UNC13A: variants seen among roughly 807,000 people sequenced by gnomAD.
UNC13A encodes unc-13 homolog A.
A neutral mutation model predicts 219.7 loss-of-function variants in UNC13A; 61 were observed. The ratio of observed to expected loss-of-function variants is 0.28; its 90% CI spans 0.23 to 0.34. The LOEUF (loss-of-function observed/expected upper bound fraction) is 0.34, where lower values mean the gene tolerates loss of function less well. UNC13A is among the 10% of genes least tolerant of loss of function. UNC13A has a pLI of 1.00. For missense variants in UNC13A, 1,476 were observed against 2,270.3 expected, an observed-to-expected ratio of 0.65 and a Z score of 7.11; for synonymous variants, 920 against 884.6, an observed-to-expected ratio of 1.04 and a Z score of -0.71.
chr19:17,650,693 G>T (rs947642894), intron 12 of UNC13A, among the ~76,000 whole-genome samples: 1 of 151,750 alleles, frequency 6.6e-6, no homozygotes, highest in East Asian at 2.0e-4. Context: ...GGCCAGGCTG[G>T]TCTCGAACTC....
Position 17,674,614 on chromosome 19 carries a change from G to A in UNC13A, c.152+43C>T. ...CCCTGAGGGGCCAGCGAGGTGCTGG[G>A]CTATGCCAGGGAGTGAGGTCATGCC... is the stretch of plus-strand genomic sequence containing the variant. On this transcript the variant is annotated intron_variant, in intron 3 of 43. Coordinates refer to ENST00000519716, the MANE Select transcript of UNC13A (RefSeq NM_001080421.3). This position sits in a 1 kb window ranked among gnomAD's most constrained non-coding sequence, Gnocchi z 5.0. 6.3e-7 allele frequency: 1 copy of A among 1,577,670 alleles called. No homozygotes were observed. Among genetic ancestry groups the A allele is most frequent in the African/African-American group, 1.3e-5 (1 of 74,352 alleles).
intron 7 of UNC13A, among the ~76,000 whole-genome samples, chr19:17,665,037 T>A (rs560228712): frequency 5.9e-5 from 9 of 152,142 alleles, no homozygotes; most frequent in African/African-American, 1.4e-4. Context: ...CCATCTCTAC[T>A]AAAAATACAA....
chr19:17,652,733 C>A, intron 11 of UNC13A, 56 bp from the exon 12 acceptor site: 1 of 1,603,072 alleles, frequency 6.2e-7, no homozygotes, highest in Non-Finnish European at 8.5e-7. Flanking sequence ...CTCCCCAGAG[C>A]AGGCTCCACA....
At chr19:17,672,829 A>G (rs2079816103) in intron 3 of UNC13A, among the ~76,000 whole-genome samples, 1 of 152,148 alleles carries the variant, frequency 6.6e-6, no homozygotes, top group South Asian at 2.1e-4. Flanking sequence ...TAAGTGAGGA[A>G]GAGGCTCAAA....
In UNC13A at chr19:17,688,304, C is replaced by T; in HGVS notation, c.-105G>A. ...TCTCCCGGCTGCAGCCCGCGCTTGG[C>T]TCACGCCGGGGCCCGGCCGCCACCG... On this transcript the variant is annotated 5_prime_UTR_variant, in exon 1 of 44. Transcript: ENST00000519716. 1 of 1,341,406 alleles carries T rather than the reference C, an allele frequency of 7.5e-7. No individual in the cohort carries two copies. 83.1% of individuals were successfully genotyped at this position (1,341,406 alleles called of 1,614,324 possible).
rs979048200 is a variant in UNC13A, at chr19:17,627,995, C to G, written c.3754-55G>C. On this transcript the variant is annotated intron_variant, in intron 31 of 43. Coordinates refer to ENST00000519716, the MANE Select transcript of UNC13A (RefSeq NM_001080421.3). The surrounding 1 kb of genome is among the most constrained non-coding windows in gnomAD (Gnocchi z 4.7). ...GCCTCAGGACCTCTCCCCAGAGCCT[C>G]CCCTACCCACCGCCAGGGACCTTGG... 1 of 1,509,944 alleles carries G rather than the reference C, an allele frequency of 6.6e-7. No homozygotes were observed. The highest frequency in any genetic ancestry group is 9.0e-7 in the Non-Finnish European group (1 of 1,105,978). 93.5% of individuals were successfully genotyped at this position (1,509,944 alleles called of 1,614,324 possible).
chr19:17,624,740 C>G, intron 35 of UNC13A, 89 bp downstream of exon 35: 1 of 1,495,934 alleles, frequency 6.7e-7, no homozygotes, highest in Non-Finnish European at 8.9e-7. Flanking sequence ...TGCCTTTGTT[C>G]TTACCCCCCA....
chr19:17,625,742 A>C (rs954420789), intron 34 of UNC13A, among the ~76,000 whole-genome samples: 3 of 149,050 alleles, frequency 2.0e-5, no homozygotes, highest in African/African-American at 7.4e-5. Flanking sequence ...CCATCTGTCC[A>C]ACCATTTATG....
Position 17,658,303 on chromosome 19 carries a change from G to A in UNC13A, c.560-34C>T, listed in dbSNP as rs60683939. 4,307 of 1,581,544 alleles carry A rather than the reference G, an allele frequency of 2.7e-3. 90 individuals carry two copies. In the African/African-American group the frequency reaches 0.05, roughly 18 times the overall value. ...GAGAGGCGGTATGGGAAGAGGGTGA[G>A]GAAGAGAGAGTGCACATGATGGGAG... On this transcript the variant is annotated intron_variant, in intron 8 of 43. Coordinates refer to ENST00000519716, the MANE Select transcript of UNC13A (RefSeq NM_001080421.3).
intron 35 of UNC13A, 63 bp from the exon 36 acceptor site, chr19:17,623,610 G>A (rs971940501): frequency 5.6e-6 from 5 of 885,502 alleles, no homozygotes; most frequent in East Asian, 3.2e-5. Context: ...TGAGTCTCCC[G>A]GGAAGGCCAG....
At chr19:17,621,784 G>T in intron 37 of UNC13A, 48 bp downstream of exon 37, 1 of 1,605,228 alleles carries the variant, frequency 6.2e-7, no homozygotes, top group South Asian at 1.1e-5. Context: ...GCACACACAT[G>T]CCCAGACACT....
rs1293554387 is a variant in UNC13A at position 17,656,227 on chromosome 19, G to A, written c.939C>T (p.Asp313=). The part of the protein sequence containing the change: ...SCHSSVSYHK[D]SPRWDQDEEE... ...CCTCATCCTGGTCCCAGCGAGGCGA[G>A]TCTTTGTGGTAGCTGACCGAGCTGT... The change falls in exon 10 of 44, where the codon GAC becomes GAT. Residue 313 remains aspartate (D), a synonymous_variant. Coordinates refer to ENST00000519716, the MANE Select transcript of UNC13A (RefSeq NM_001080421.3). The A allele has an allele frequency of 5.8e-6, 9 of 1,552,118 alleles. No individual in the cohort carries two copies. The African/African-American group carries it at 8.2e-5, about 14-fold the overall frequency.
At chr19:17,683,935 A>T (rs1339773197) in intron 1 of UNC13A, among the ~76,000 whole-genome samples, 1 of 151,950 alleles carries the variant, frequency 6.6e-6, no homozygotes, top group East Asian at 1.9e-4. Flanking sequence ...CAAAAAATTA[A>T]AAAGAAAAAA....
intron 24 of UNC13A, 63 bp from the exon 25 acceptor site, chr19:17,639,280 T>C: frequency 1.9e-6 from 3 of 1,605,366 alleles, no homozygotes; most frequent in Non-Finnish European, 2.6e-6. Context: ...AGGAAGTGAC[T>C]GCGAGTCATT....
chr19:17,650,167 GC>G (rs1250762905), intron 12 of UNC13A, among the ~76,000 whole-genome samples: 1 of 152,098 alleles, frequency 6.6e-6, no homozygotes, highest in African/African-American at 2.4e-5. Flanking sequence ...TGATGTAATT[GC>G]CCACCTTGAA....
chr19:17,671,533 G>A, intron 4 of UNC13A, among the ~76,000 whole-genome samples: 1 of 152,162 alleles, frequency 6.6e-6, no homozygotes, highest in Non-Finnish European at 1.5e-5. Flanking sequence ...CACTTTGGGA[G>A]GCTGAGGTGG....
chr19:17,621,784 G>A, intron 37 of UNC13A, 48 bp downstream of exon 37: 1 of 1,605,228 alleles, frequency 6.2e-7, no homozygotes, highest in Non-Finnish European at 8.5e-7. Flanking sequence ...GCACACACAT[G>A]CCCAGACACT....
chr19:17,661,964 G>A (rs73514345), intron 8 of UNC13A, among the ~76,000 whole-genome samples: 2,880 of 151,998 alleles, frequency 0.019, 80 homozygotes, highest in African/African-American at 0.065. Context: ...ATAGAAGGCC[G>A]GGCGCAGTGG....
chr19:17,610,004 G>A lies in UNC13A; in HGVS notation c.4747C>T (p.Arg1583Cys), dbSNP rs1362801619. ...IIGPQLSDKK[R>C]KFATKSKNNS... ...TTCTTGGATTTGGTCGCAAACTTGC[G>A]TTTCTTGTCGCTGAGCTGGGGCCCA... Residue 1583 changes from arginine (R) to cysteine (C), a missense_variant, in exon 43 of 44, where the codon CGC becomes TGC. Transcript: ENST00000519716. 1.2e-6 allele frequency: 2 copies of A among 1,613,906 alleles called. No homozygotes were observed. The highest frequency in any genetic ancestry group is 2.2e-5 in the East Asian group (1 of 44,902).
Sources: allele counts gnomAD v4.1 joint callset (sites outside exome capture counted in the v4.1 genomes callset), GRCh38; gene constraint gnomAD v4.1.1; non-coding constraint Gnocchi (gnomAD v3.1); transcripts MANE v1.5; gene names NCBI Gene and HGNC (gene_info 2026-07-23, HGNC 2026-07-21).